The following ZRANB3 variants were observed in gnomAD, a reference collection of about 807,000 sequenced individuals.
ZRANB3 encodes the protein DNA annealing helicase and endonuclease ZRANB3.
Under a neutral mutation model 133.8 loss-of-function variants are expected in ZRANB3, and 125 were observed. That is an observed-to-expected ratio of 0.93 (90% CI 0.81 to 1.08). ZRANB3 has a LOEUF of 1.08. ZRANB3 is among the 50% of genes least tolerant of loss of function. ZRANB3 has a pLI of 0.00. For synonymous variants in ZRANB3, 387 were observed against 432.7 expected (o/e 0.89, Z 1.31); for missense variants, 1,229 against 1,275.5 (o/e 0.96, Z 0.56).
chr2:135,477,942 T>A (rs900763076), intron 2 of ZRANB3, among the ~76,000 whole-genome samples: 1 of 151,984 alleles, frequency 6.6e-6, no homozygotes, highest in African/African-American at 2.4e-5. Context: ...TGAGCCATGA[T>A]CATGCCACCA....
intron 6 of ZRANB3, among the ~76,000 whole-genome samples, chr2:135,324,259 G>A (rs1364113454): frequency 2.7e-5 from 4 of 146,174 alleles, no homozygotes; most frequent in Non-Finnish European, 6.0e-5. Flanking sequence ...AGGCCCCGGT[G>A]TGTGATGTCC....
chr2:135,272,449 C>G (rs1259448769), intron 9 of ZRANB3, among the ~76,000 whole-genome samples: 2 of 101,540 alleles, frequency 2.0e-5, no homozygotes, highest in Non-Finnish European at 3.5e-5. Flanking sequence ...GAGTCTTGCT[C>G]TGTCACCCAG....
intron 2 of ZRANB3, among the ~76,000 whole-genome samples, chr2:135,419,111 G>C (rs1688725039): frequency 6.6e-6 from 1 of 150,924 alleles, no homozygotes; most frequent in Admixed American, 6.6e-5. Context: ...CTAATTTTTT[G>C]TATTTTTAGT....
intron 15 of ZRANB3, among the ~76,000 whole-genome samples, chr2:135,222,785 T>C (rs1694606409): frequency 6.6e-6 from 1 of 152,098 alleles, no homozygotes; most frequent in African/African-American, 2.4e-5. Context: ...ATAATGGGTT[T>C]GTTTCTCTTA....
chr2:135,525,063 C>T (rs1053897504), intron 1 of ZRANB3, among the ~76,000 whole-genome samples: 27 of 151,744 alleles, frequency 1.8e-4, no homozygotes, highest in Admixed American at 1.5e-3. Context: ...AACTTCTAGC[C>T]ATAGGAAGAA....
At chr2:135,297,201 T>C (rs1682167635) in intron 8 of ZRANB3, among the ~76,000 whole-genome samples, 1 of 152,226 alleles carries the variant, frequency 6.6e-6, no homozygotes, top group East Asian at 1.9e-4. Context: ...CAGGCAGGCC[T>C]CCTTGAGCTG....
At chr2:135,205,428 C>G (rs1320633847) in intron 19 of ZRANB3, among the ~76,000 whole-genome samples, 1 of 152,102 alleles carries the variant, frequency 6.6e-6, no homozygotes, top group Non-Finnish European at 1.5e-5. Context: ...TGCTACCACA[C>G]CTGGCTAATT....
At chr2:135,439,814 G>A (rs1338048737) in intron 2 of ZRANB3, among the ~76,000 whole-genome samples, 1 of 152,212 alleles carries the variant, frequency 6.6e-6, no homozygotes, top group African/African-American at 2.4e-5. Context: ...AGCTTCTCAA[G>A]TGATTTTAAT....
intron 8 of ZRANB3, among the ~76,000 whole-genome samples, chr2:135,279,561 T>C (rs1680999756): frequency 6.6e-6 from 1 of 151,084 alleles, no homozygotes; most frequent in Non-Finnish European, 1.5e-5. Flanking sequence ...GTACATTCAT[T>C]ACTATCCAGT....
rs530211090 is a variant in ZRANB3 at position 135,303,857 on chromosome 2, T to G, written c.966+9632A>C. 5.9e-5 allele frequency among the ~76,000 whole-genome samples: 9 copies of G among 152,310 alleles called. No individual in the cohort carries two copies. The South Asian group carries it at 1.9e-3, about 32-fold the overall frequency. ...TTTGTAGTTTTCAGTACATATTTTT[T>G]GTTGACTTTATTCTAAATTAGTTCA... On this transcript the variant is annotated intron_variant, in intron 8 of 20. Transcript: ENST00000264159.
At chr2:135,419,673 G>A (rs528802619) in intron 2 of ZRANB3, among the ~76,000 whole-genome samples, 1 of 150,858 alleles carries the variant, frequency 6.6e-6, no homozygotes, top group South Asian at 2.1e-4. Flanking sequence ...TCTAAAGATA[G>A]TTGCTGGGCA....
Position 135,208,914 on chromosome 2 carries a change from C to T in ZRANB3, c.2560G>A (p.Val854Ile). Residue 854 changes from valine to isoleucine, a missense_variant, in exon 18 of 21, where the codon GTC (valine) becomes ATC (isoleucine). Physicochemically the swap from Val to Ile is conservative, Grantham distance 29. Transcript: ENST00000264159. ...MDKVKNVGGH[V>I]RLITKESRPR... is the part of the protein sequence containing the mutation. ...CTGGACTCCTTTGTGATCAGACGGACATGGCCCCCAACATTCTTCACTTTG... is the reference window on the plus strand; with the variant it reads ...CTGGACTCCTTTGTGATCAGACGGATATGGCCCCCAACATTCTTCACTTTG... 6.2e-7 allele frequency: 1 copy of T among 1,613,994 alleles called. No homozygotes were observed. The highest frequency in any genetic ancestry group is 8.5e-7 in the Non-Finnish European group (1 of 1,179,884).
intron 18 of ZRANB3, 32 bp downstream of exon 18, chr2:135,208,836 A>T (rs373709261): frequency 6.5e-7 from 1 of 1,536,334 alleles, no homozygotes; most frequent in Non-Finnish European, 9.0e-7. Context: ...TGGAATTAGT[A>T]CTACTATATA....
intron 2 of ZRANB3, among the ~76,000 whole-genome samples, chr2:135,503,912 G>T (rs1693057610): frequency 6.6e-6 from 1 of 152,034 alleles, no homozygotes; most frequent in Admixed American, 6.6e-5. Flanking sequence ...AGAGGTTGCA[G>T]TGAGCCAAGA....
chr2:135,352,039 T>C lies in ZRANB3; in HGVS notation c.359+1411A>G, dbSNP rs192826447. Among the ~76,000 whole-genome samples the C allele has an allele frequency of 3.9e-5, 6 of 152,260 alleles. No homozygotes were observed. The East Asian group carries it at 9.7e-4, about 25-fold the overall frequency. Reference sequence around the variant, plus strand: ...GAAAATTTAAATGTGAACATTTAAATAAGGTTTATCAGCCAGGTGCAGTGG... The same window carrying C: ...GAAAATTTAAATGTGAACATTTAAACAAGGTTTATCAGCCAGGTGCAGTGG... On this transcript the variant is annotated intron_variant, in intron 4 of 20. Coordinates refer to ENST00000264159, the MANE Select transcript of ZRANB3 (RefSeq NM_032143.4).
At chr2:135,409,237 CA>C (rs140120698) in intron 2 of ZRANB3, among the ~76,000 whole-genome samples, 4,824 of 152,152 alleles carry the variant, frequency 0.032, 247 homozygotes, top group African/African-American at 0.11. Context: ...GTGAGGAAAG[CA>C]CCAAGCTATT....
chr2:135,402,403 T>A (rs1335821809), intron 2 of ZRANB3, among the ~76,000 whole-genome samples: 2 of 151,612 alleles, frequency 1.3e-5, no homozygotes, highest in Non-Finnish European at 2.9e-5. Flanking sequence ...CAAGTGATTC[T>A]CCTGCCTCAG....
chr2:135,385,545 G>A (rs937046019), intron 3 of ZRANB3, among the ~76,000 whole-genome samples: 1 of 152,018 alleles, frequency 6.6e-6, no homozygotes, highest in African/African-American at 2.4e-5. Flanking sequence ...CCTACACAAA[G>A]AAAAACAAAG....
At chr2:135,524,710 T>C (rs1258837985) in intron 1 of ZRANB3, among the ~76,000 whole-genome samples, 2 of 152,022 alleles carry the variant, frequency 1.3e-5, no homozygotes, top group African/African-American at 4.8e-5. Context: ...AGATAATGGG[T>C]ATGGTACAAG....
Sources: allele counts gnomAD v4.1 joint callset (sites outside exome capture counted in the v4.1 genomes callset), GRCh38; gene constraint gnomAD v4.1.1; transcripts MANE v1.5; gene names NCBI Gene and HGNC (gene_info 2026-07-23, HGNC 2026-07-21).